Variants in NAV2 observed in about 807,000 individuals in gnomAD.
NAV2 encodes helicase, APC down-regulated 1.
In NAV2, 54 loss-of-function variants were observed where a neutral mutation model predicts 223.2. The ratio of observed to expected loss-of-function variants is 0.24; its 90% confidence interval spans 0.19 to 0.30. The LOEUF is 0.30. Ranked by LOEUF, NAV2 falls within the 10% of genes least tolerant of loss-of-function variation. NAV2 has a pLI of 1.00. For synonymous variants in NAV2, 1,279 were observed against 1,239.3 expected, an observed-to-expected ratio of 1.03 and a Z score of -0.67; for missense variants, 2,806 against 3,147.5, an observed-to-expected ratio of 0.89 and a Z score of 2.60.
chr11:20,086,295 C>A (rs1187071185), intron 26 of NAV2, among the ~76,000 whole-genome samples: 1 of 152,236 alleles, frequency 6.6e-6, no homozygotes, highest in Non-Finnish European at 1.5e-5. Context: ...CTCTGGCCCA[C>A]TTGTTCTTTG....
intron 22 of NAV2, among the ~76,000 whole-genome samples, chr11:20,068,602 G>A (rs2059198937): frequency 6.6e-6 from 1 of 152,202 alleles, no homozygotes. Context: ...CTCAGCCTGC[G>A]TGTCCTTATC....
At chr11:19,430,916 G>A (rs1321026265) in intron 1 of NAV2, among the ~76,000 whole-genome samples, 10 of 152,216 alleles carry the variant, frequency 6.6e-5, no homozygotes, top group Admixed American at 6.5e-4. Flanking sequence ...TGCTGCAAGT[G>A]TGTCAAGCAG....
At chr11:19,932,823 A>G (rs945635324) in intron 6 of NAV2, among the ~76,000 whole-genome samples, 7 of 152,200 alleles carry the variant, frequency 4.6e-5, no homozygotes, top group Non-Finnish European at 1.0e-4. Flanking sequence ...ATAATTGGGA[A>G]ACAGGCTATG....
At position 19,900,276 on chromosome 11, in the gene NAV2, A is replaced by C. The variant is rs555788175; in HGVS notation, c.931+7682A>C. On this transcript the variant is annotated intron_variant, in intron 6 of 37. Transcript: ENST00000349880. Reference sequence around the variant, plus strand: ...GACTTCACAGATCACTGGAGGAATAAACAAGAAGTTGTATCAAAGTCTCGG... The same window carrying C: ...GACTTCACAGATCACTGGAGGAATACACAAGAAGTTGTATCAAAGTCTCGG... Among the ~76,000 whole-genome samples the C allele has an allele frequency of 7.7e-4, 117 of 151,932 alleles. 2 individuals carry two copies. The East Asian group carries it at 0.019, about 24-fold the overall frequency.
upstream of NAV2, among the ~76,000 whole-genome samples, chr11:19,710,334 G>C (rs1053607373): frequency 1.3e-5 from 2 of 152,208 alleles, no homozygotes; most frequent in African/African-American, 4.8e-5. Flanking sequence ...TACTCGGAAA[G>C]CAGAATCTCA....
chr11:19,895,529 G>A (rs557111678), intron 6 of NAV2, among the ~76,000 whole-genome samples: 7 of 152,146 alleles, frequency 4.6e-5, no homozygotes, highest in East Asian at 1.9e-4. Context: ...GGTTCCACTC[G>A]GGGATTCAAA....
At chr11:19,694,594 C>T (rs1478434521) in intron 1 of NAV2, among the ~76,000 whole-genome samples, 1 of 152,166 alleles carries the variant, frequency 6.6e-6, no homozygotes, top group Admixed American at 6.5e-5. Context: ...AGAGATAGGG[C>T]CAGAACTCTA....
At chr11:20,055,364 A>G (rs1486218349) in intron 18 of NAV2, among the ~76,000 whole-genome samples, 1 of 152,218 alleles carries the variant, frequency 6.6e-6, no homozygotes, top group African/African-American at 2.4e-5. Flanking sequence ...TTTCCCAGCC[A>G]TAACTCTTTG....
chr11:19,866,773 G>A (rs759137412), intron 3 of NAV2, among the ~76,000 whole-genome samples: 12 of 151,878 alleles, frequency 7.9e-5, no homozygotes, highest in South Asian at 2.1e-4. Flanking sequence ...AACCTACCTC[G>A]TCAGCCCACC....
intron 1 of NAV2, among the ~76,000 whole-genome samples, chr11:19,587,918 G>A (rs1391106219): frequency 6.6e-6 from 1 of 152,188 alleles, no homozygotes; most frequent in African/African-American, 2.4e-5. Context: ...CCAGCCTTGA[G>A]GCCATAAAAA....
At chr11:19,559,918 G>T (rs1190939907) in intron 1 of NAV2, among the ~76,000 whole-genome samples, 1 of 152,130 alleles carries the variant, frequency 6.6e-6, no homozygotes, top group Admixed American at 6.5e-5. Flanking sequence ...CGGATAGATG[G>T]ACAGCCTGGA....
intron 1 of NAV2, among the ~76,000 whole-genome samples, chr11:19,407,071 T>A (rs1590143151): frequency 6.6e-6 from 1 of 151,964 alleles, no homozygotes; most frequent in African/African-American, 2.4e-5. Flanking sequence ...GAGATGGAGG[T>A]CCTGACCCTA....
intron 1 of NAV2, among the ~76,000 whole-genome samples, chr11:19,762,060 T>G (rs149624077): frequency 6.6e-6 from 1 of 152,274 alleles, no homozygotes; most frequent in Admixed American, 6.5e-5. Context: ...CTGGCTAACA[T>G]GGTGAAACCT....
chr11:19,462,926 C>T (rs1048931631), intron 1 of NAV2, among the ~76,000 whole-genome samples: 2 of 152,218 alleles, frequency 1.3e-5, no homozygotes, highest in African/African-American at 4.8e-5. Context: ...TGGGCCTCTA[C>T]AGAGTCCAAA....
chr11:19,961,648 A>C (rs78591311), intron 10 of NAV2, among the ~76,000 whole-genome samples: 1 of 152,204 alleles, frequency 6.6e-6, no homozygotes, highest in African/African-American at 2.4e-5. Context: ...GACCATAGGG[A>C]AATTTCTTCC....
At chr11:19,428,627 T>C (rs1451077238) in intron 1 of NAV2, among the ~76,000 whole-genome samples, 2 of 152,236 alleles carry the variant, frequency 1.3e-5, no homozygotes, top group Non-Finnish European at 2.9e-5. Flanking sequence ...ATTTAATACC[T>C]TGAGCAGGAA....
intron 11 of NAV2, chr11:20,027,445 A>T (rs1591726369): frequency 2.0e-6 from 2 of 985,332 alleles, no homozygotes; most frequent in Admixed American, 6.2e-5. Context: ...TTGATTCTGG[A>T]GCAGAACTGG....
At chr11:19,407,452 G>A (rs1849947765) in intron 1 of NAV2, among the ~76,000 whole-genome samples, 2 of 152,244 alleles carry the variant, frequency 1.3e-5, no homozygotes. Flanking sequence ...TACAGATATA[G>A]CCCGAGGGTG....
chr11:19,718,702 T>C (rs1015590458), intron 1 of NAV2, among the ~76,000 whole-genome samples: 1 of 152,250 alleles, frequency 6.6e-6, no homozygotes, highest in Non-Finnish European at 1.5e-5. Flanking sequence ...AGAATGTTTA[T>C]GGTTCACATA....
Sources: allele counts gnomAD v4.1 joint callset (sites outside exome capture counted in the v4.1 genomes callset), GRCh38; gene constraint gnomAD v4.1.1; transcripts MANE v1.5; gene names NCBI Gene and HGNC (gene_info 2026-07-23, HGNC 2026-07-21).